Variants in CENPK observed in about 807,000 individuals in gnomAD.
The protein encoded by CENPK is centromere protein K.
Under a neutral mutation model 40.9 loss-of-function variants are expected in CENPK, and 46 were observed. The observed-to-expected ratio is 1.13, with a 90% confidence interval of 0.89 to 1.44. The LOEUF is 1.44. Ranked by LOEUF, CENPK falls within the 40% of genes most tolerant of loss-of-function variation. The pLI is 0.00. For missense variants in CENPK, 288 were observed against 303.5 expected, an observed-to-expected ratio of 0.95 and a Z score of 0.38; for synonymous variants, 107 against 104.4, an observed-to-expected ratio of 1.02 and a Z score of -0.15.
the CENPK span, among the ~76,000 whole-genome samples, chr5:65,498,841 C>CA: frequency 6.6e-6 from 1 of 151,754 alleles, no homozygotes; most frequent in Admixed American, 6.6e-5. Flanking sequence ...TTTGTAGAGA[C>CA]AGAGTCTCGC....
chr5:65,551,516 G>C (rs1285244745), intron 5 of CENPK, 48 bp downstream of exon 5: 5 of 957,310 alleles, frequency 5.2e-6, no homozygotes, highest in Non-Finnish European at 7.7e-6. Context: ...AAATTAATTT[G>C]CTATTAATAG....
rs573897667 is a variant in CENPK at position 65,549,122 on chromosome 5, A to T, written c.241+2442T>A. Among the ~76,000 whole-genome samples the T allele has an allele frequency of 6.6e-5, 10 of 152,362 alleles. No homozygotes were observed. In the South Asian group the frequency reaches 1.7e-3, roughly 25 times the overall value. On this transcript the variant is annotated intron_variant, in intron 5 of 10. Coordinates refer to ENST00000396679, the MANE Select transcript of CENPK (RefSeq NM_022145.5). ...GCGGCAGAACAGATGTTGCATCAAC[A>T]GACATGAGAACATTAAATTCCTTGT... is the stretch of plus-strand genomic sequence containing the variant.
At chr5:65,540,882 A>C (rs1190646659) in intron 6 of CENPK, among the ~76,000 whole-genome samples, 1 of 148,524 alleles carries the variant, frequency 6.7e-6, no homozygotes, top group African/African-American at 2.5e-5. Context: ...ATCATGGCTC[A>C]CTGCAGCCTC....
intron 6 of CENPK, among the ~76,000 whole-genome samples, chr5:65,534,203 T>C (rs1277581407): frequency 2.0e-5 from 3 of 151,760 alleles, no homozygotes; most frequent in East Asian, 1.9e-4. Flanking sequence ...TGAGACAAAA[T>C]GTTTAAATAT....
At chr5:65,514,939 TTTTG>T (rs1367514079), downstream of CENPK, among the ~76,000 whole-genome samples, 1 of 144,848 alleles carries the variant, frequency 6.9e-6, no homozygotes, top group Non-Finnish European at 1.5e-5. Flanking sequence ...TTTTAGTAAT[TTTTG>T]TTTTTTCTTT....
chr5:65,497,034 G>A, the CENPK span, among the ~76,000 whole-genome samples: 1 of 152,026 alleles, frequency 6.6e-6, no homozygotes, highest in Non-Finnish European at 1.5e-5. Context: ...TCCAGCCTGG[G>A]CGACAAGAGT....
chr5:65,550,168 C>T (rs373226666), intron 5 of CENPK, among the ~76,000 whole-genome samples: 1,407 of 81,768 alleles, frequency 0.017, 26 homozygotes, highest in African/African-American at 0.061. Context: ...GAGCAAGACT[C>T]CATCTCAAAA....
At chr5:65,547,008 GAAGTTATT>G (rs1749118676) in intron 5 of CENPK, among the ~76,000 whole-genome samples, 1 of 152,110 alleles carries the variant, frequency 6.6e-6, no homozygotes, top group African/African-American at 2.4e-5. Context: ...TGAACATATG[GAAGTTATT>G]ATTACAGATA....
At chr5:65,530,922 G>GACA (rs993938061) in intron 6 of CENPK, among the ~76,000 whole-genome samples, 1 of 151,738 alleles carries the variant, frequency 6.6e-6, no homozygotes, top group Non-Finnish European at 1.5e-5. Context: ...CAACAACAAA[G>GACA]ACAACAACAA....
chr5:65,522,866 A>G (rs75000688), intron 9 of CENPK, among the ~76,000 whole-genome samples: 2,127 of 152,364 alleles, frequency 0.014, 15 homozygotes, highest in Non-Finnish European at 0.022. Flanking sequence ...TACCAAAGAC[A>G]AAAAAAGAAC....
chr5:65,518,500 A>G lies in CENPK; in HGVS notation c.785T>C (p.Ile262Thr). Residue 262 changes from isoleucine to threonine, a missense_variant, in exon 11 of 11, where the codon ATA (isoleucine) becomes ACA (threonine). Transcript: ENST00000396679. ...TTACTGATGGAAAGCTTCTAATCTTATTCGGGTTGGATCTTCTGGATGTCT... is the reference window on the plus strand; with the variant it reads ...TTACTGATGGAAAGCTTCTAATCTTGTTCGGGTTGGATCTTCTGGATGTCT... ...ALRHPEDPTR[I>T]RLEAFHQ The G allele has an allele frequency of 6.2e-7, 1 of 1,612,282 alleles. No homozygotes were observed. The highest frequency in any genetic ancestry group is 8.5e-7 in the Non-Finnish European group (1 of 1,179,534).
intron 9 of CENPK, 23 bp downstream of exon 9, chr5:65,528,429 T>A (rs2150371520): frequency 2.5e-6 from 4 of 1,568,814 alleles, no homozygotes; most frequent in South Asian, 1.2e-5. Context: ...ATAATTTACA[T>A]AAATGTCTTC....
At chr5:65,549,969 C>T (rs529556588) in intron 5 of CENPK, among the ~76,000 whole-genome samples, 10 of 152,202 alleles carry the variant, frequency 6.6e-5, no homozygotes, top group Admixed American at 5.9e-4. Flanking sequence ...GAGATCAAGA[C>T]CATCCTGGCC....
chr5:65,558,288 TA>T (rs1267054595), intron 2 of CENPK, among the ~76,000 whole-genome samples: 4 of 151,906 alleles, frequency 2.6e-5, no homozygotes, highest in Admixed American at 1.3e-4. Flanking sequence ...TACGGTACAG[TA>T]AAAGAAGGAA....
At chr5:65,514,389 C>G (rs1403368666), downstream of CENPK, among the ~76,000 whole-genome samples, 1 of 151,626 alleles carries the variant, frequency 6.6e-6, no homozygotes, top group Admixed American at 6.6e-5. Flanking sequence ...CTCAGCCTCC[C>G]GAGTAGCTGG....
chr5:65,546,688 T>C (rs1461162961), intron 5 of CENPK, among the ~76,000 whole-genome samples: 7 of 152,222 alleles, frequency 4.6e-5, no homozygotes, highest in Non-Finnish European at 1.0e-4. Flanking sequence ...CCAATAAGAC[T>C]GGTGTCCTAA....
chr5:65,524,211 T>C (rs574735030), intron 9 of CENPK, among the ~76,000 whole-genome samples: 3 of 114,598 alleles, frequency 2.6e-5, no homozygotes, highest in Admixed American at 2.2e-4. Context: ...CCGTCTCTAC[T>C]AAAAGCATAC....
the CENPK span, among the ~76,000 whole-genome samples, chr5:65,497,744 C>G: frequency 6.6e-6 from 1 of 152,164 alleles, no homozygotes; most frequent in African/African-American, 2.4e-5. Context: ...GTGGCTCACG[C>G]CTGTAATTCC....
At position 65,521,519 on chromosome 5, in the gene CENPK, G is replaced by C. The variant is rs1219885542; in HGVS notation, c.607C>G (p.Gln203Glu). Reference protein sequence around the residue: ...RSVKKKKKNIQESSVNLITLH... With the variant: ...RSVKKKKKNIEESSVNLITLH... ...GTTATCAGGTTTACAGATGATTCTT[G>C]AATGTTTTTCTTCAAGAGAAATGTG... The change falls in exon 10 of 11, where the codon CAA becomes GAA. Residue 203 changes from glutamine (Q) to glutamate (E), a missense_variant. Physicochemically the swap from Gln to Glu is conservative, Grantham distance 29 (BLOSUM62 2). Coordinates refer to ENST00000396679, the MANE Select transcript of CENPK (RefSeq NM_022145.5). 2.5e-6 allele frequency: 4 copies of C among 1,604,284 alleles called. No individual in the cohort carries two copies. The highest frequency in any genetic ancestry group is 3.4e-6 in the Non-Finnish European group (4 of 1,172,608).
Sources: allele counts gnomAD v4.1 joint callset (sites outside exome capture counted in the v4.1 genomes callset), GRCh38; gene constraint gnomAD v4.1.1; transcripts MANE v1.5; gene names NCBI Gene and HGNC (gene_info 2026-07-23, HGNC 2026-07-21).